B3GALT1: variants seen among roughly 807,000 people sequenced by gnomAD.
The protein encoded by B3GALT1 is UDP-Gal:betaGlcNAc beta 1,3-galactosyltransferase, polypeptide 1.
B3GALT1 carries 10 observed loss-of-function variants against 23.2 expected under a neutral mutation model. That is an observed-to-expected ratio of 0.43 (90% CI 0.27 to 0.73). The LOEUF (loss-of-function observed/expected upper bound fraction) is 0.73. Ranked by LOEUF, B3GALT1 falls within the 30% of genes least tolerant of loss-of-function variation. The pLI is 0.21. For synonymous variants in B3GALT1, 156 were observed against 141.5 expected (o/e 1.10, Z -0.73); for missense variants, 299 against 405.4 (o/e 0.74, Z 2.25).
intron 1 of B3GALT1, among the ~76,000 whole-genome samples, chr2:167,400,371 GTCAGATC>G (rs1698169381): frequency 6.6e-6 from 1 of 151,658 alleles, no homozygotes; most frequent in South Asian, 2.1e-4. Flanking sequence ...AATCTTTTTA[GTCAGATC>G]TCAGATCTCC....
intron 3 of B3GALT1, among the ~76,000 whole-genome samples, chr2:167,807,818 A>T (rs1169566618): frequency 6.6e-6 from 1 of 152,168 alleles, no homozygotes; most frequent in Non-Finnish European, 1.5e-5. Context: ...AGTTCTGTAG[A>T]TATCTATTAG....
intron 2 of B3GALT1, among the ~76,000 whole-genome samples, chr2:167,510,419 T>G (rs1406635426): frequency 2.0e-5 from 3 of 151,260 alleles, no homozygotes; most frequent in Non-Finnish European, 4.4e-5. Flanking sequence ...TTTTTTTTTT[T>G]TTTTTTTCCA....
chr2:167,658,302 A>G (rs1266577565), intron 3 of B3GALT1, among the ~76,000 whole-genome samples: 1 of 152,102 alleles, frequency 6.6e-6, no homozygotes. Context: ...GTGATTATAC[A>G]TGGCTTGTTA....
At chr2:167,386,561 A>G (rs776268043) in intron 1 of B3GALT1, among the ~76,000 whole-genome samples, 26 of 152,028 alleles carry the variant, frequency 1.7e-4, no homozygotes, top group Non-Finnish European at 3.1e-4. Flanking sequence ...TTTTTTTCTG[A>G]AAGTTTTTGA....
chr2:167,333,768 T>G (rs937430042), intron 1 of B3GALT1, among the ~76,000 whole-genome samples: 1 of 152,194 alleles, frequency 6.6e-6, no homozygotes, highest in Non-Finnish European at 1.5e-5. Flanking sequence ...TTTAGGTTAT[T>G]GCAATACTTC....
At chr2:167,588,842 C>T (rs375223829) in intron 2 of B3GALT1, among the ~76,000 whole-genome samples, 12 of 108,954 alleles carry the variant, frequency 1.1e-4, no homozygotes, top group African/African-American at 4.5e-4. Flanking sequence ...TCCTTCCTTC[C>T]TTCTTTCCTT....
intron 2 of B3GALT1, among the ~76,000 whole-genome samples, chr2:167,490,767 T>TTTCCAAAAAAG: frequency 6.6e-6 from 1 of 152,314 alleles, no homozygotes; most frequent in Non-Finnish European, 1.5e-5. Flanking sequence ...TGGAAAGCCC[T>TTTCCAAAAAAG]ACAGTGTCTG....
At chr2:167,304,663 CAG>C (rs762314866) in intron 1 of B3GALT1, among the ~76,000 whole-genome samples, 15 of 151,294 alleles carry the variant, frequency 9.9e-5, no homozygotes, top group Non-Finnish European at 1.8e-4. Flanking sequence ...GAGAGAGAGA[CAG>C]AGACAGAGAG....
chr2:167,479,092 A>T (rs1005947468), intron 1 of B3GALT1, among the ~76,000 whole-genome samples: 19 of 151,878 alleles, frequency 1.3e-4, no homozygotes, highest in Non-Finnish European at 2.5e-4. Context: ...AAATAAATAA[A>T]TAATAAATAA....
In B3GALT1 at chr2:167,646,967, G is replaced by T. The variant is rs977355786; in HGVS notation, c.-352+1G>T. Reference sequence around the variant, plus strand: ...TTCTGGAGATCGCCTCTTTGAAAGCGTAAGTGTAAAGTTTATTTGGCTTAC... The same window carrying T: ...TTCTGGAGATCGCCTCTTTGAAAGCTTAAGTGTAAAGTTTATTTGGCTTAC... On this transcript the variant is annotated splice_donor_variant, in intron 3 of 4. Transcript: ENST00000392690. LOFTEE classifies it low-confidence loss of function (5UTR_SPLICE). Among the ~76,000 whole-genome samples the T allele has an allele frequency of 2.4e-4, 36 of 152,102 alleles. No homozygotes were observed. Among genetic ancestry groups the T allele is most frequent in the Non-Finnish European group, 4.9e-4 (33 of 68,028 alleles).
At chr2:167,665,815 T>C (rs1259155290) in intron 3 of B3GALT1, among the ~76,000 whole-genome samples, 1 of 152,204 alleles carries the variant, frequency 6.6e-6, no homozygotes, top group African/African-American at 2.4e-5. Flanking sequence ...TGATATCCTC[T>C]TTATCATTTT....
rs111612051 is a variant in B3GALT1, at chr2:167,346,239, T to C, written c.-511+52905T>C. ...AGGTGACTCCAATGCAGTTCACCCA[T>C]TGAGTATGCCCCACACCCACTCTAG... On this transcript the variant is annotated intron_variant, in intron 1 of 4. Transcript: ENST00000392690. Among the ~76,000 whole-genome samples, 591 of 152,210 alleles carry C rather than the reference T, an allele frequency of 3.9e-3. 2 individuals carry two copies. Among genetic ancestry groups the C allele is most frequent in the African/African-American group, 0.013 (555 of 41,538 alleles).
At chr2:167,804,682 T>C (rs532637182) in intron 3 of B3GALT1, among the ~76,000 whole-genome samples, 2 of 152,358 alleles carry the variant, frequency 1.3e-5, no homozygotes, top group African/African-American at 4.8e-5. Context: ...CTGCATACTA[T>C]TCCATGGTGT....
chr2:167,832,909 C>T (rs1002474927), intron 4 of B3GALT1, among the ~76,000 whole-genome samples: 10 of 152,278 alleles, frequency 6.6e-5, no homozygotes, highest in South Asian at 2.1e-4. Context: ...GGGGGAGGAG[C>T]GGCTGCACAT....
At position 167,435,433 on chromosome 2, in the gene B3GALT1, CAAAAAAAAAAAAAAA is replaced by C. The variant is rs1159357073; in HGVS notation, c.-510-54729_-510-54715del. 8.8e-4 allele frequency among the ~76,000 whole-genome samples: 23 copies of C among 26,192 alleles called. No individual in the cohort carries two copies. In the Admixed American group the frequency reaches 8.9e-3, roughly 10 times the overall value. The allele number at this position is 26,192 out of a possible 152,430, so 17.2% of individuals were successfully genotyped here. A position where few individuals can be genotyped will look rare whatever the true frequency, so the allele number is the denominator to read the frequency against. On this transcript the variant is annotated intron_variant, in intron 1 of 4. Transcript: ENST00000392690. ...AGCGTGCTTTAGAAACATATGCTTG[CAAAAAAAAAAAAAAA>C]AAAAAAAAAAAAAAGCAGAGAAATA...
Position 167,435,280 on chromosome 2 carries a change from G to T in B3GALT1, c.-510-54897G>T, listed in dbSNP as rs899804789. ...GTTTATTACTTCTTACCAAATTCTG[G>T]ACTCAACATTTCCAAGAACATTACA... On this transcript the variant is annotated intron_variant, in intron 1 of 4. Transcript: ENST00000392690. Among the ~76,000 whole-genome samples, 3 of 150,784 alleles carry T rather than the reference G, an allele frequency of 2.0e-5. No homozygotes were observed. The South Asian group carries it at 6.3e-4, about 31-fold the overall frequency.
intron 3 of B3GALT1, among the ~76,000 whole-genome samples, chr2:167,810,706 G>C (rs836713): frequency 0.46 from 69,106 of 148,980 alleles, 19,327 homozygotes; most frequent in African/African-American, 0.77. Context: ...CTGCATGCCC[G>C]ACACAAAGAA....
chr2:167,593,471 T>G (rs1684719303), intron 2 of B3GALT1, among the ~76,000 whole-genome samples: 1 of 152,210 alleles, frequency 6.6e-6, no homozygotes, highest in South Asian at 2.1e-4. Context: ...AGTCTAAAAT[T>G]ATATCCACAA....
chr2:167,809,403 A>G (rs552499084), intron 3 of B3GALT1, among the ~76,000 whole-genome samples: 16 of 151,718 alleles, frequency 1.1e-4, no homozygotes, highest in African/African-American at 3.6e-4. Flanking sequence ...TTTTTTCCCT[A>G]TCTTTGTGGT....
Sources: gnomAD v4.1 joint callset for allele counts (sites outside exome capture counted in the v4.1 genomes callset) on GRCh38, gnomAD v4.1.1 for gene constraint, MANE v1.5 for transcripts, NCBI Gene and HGNC (gene_info 2026-07-23, HGNC 2026-07-21) for gene names.